The following CARMIL1 variants were observed in gnomAD, a reference collection of about 807,000 sequenced individuals.
CARMIL1 encodes capping protein regulator and myosin 1 linker 1.
In CARMIL1, 90 loss-of-function variants were observed where a neutral mutation model predicts 177.1. That is an observed-to-expected ratio of 0.51 (90% CI 0.43 to 0.61). The LOEUF (loss-of-function observed/expected upper bound fraction) is 0.61. CARMIL1 is among the 20% of genes least tolerant of loss of function. The probability of loss-of-function intolerance (pLI) is 0.00; values close to 1 mark genes in which losing one functional copy is unlikely to be tolerated. For missense variants in CARMIL1, 1,380 were observed against 1,667.0 expected (o/e 0.83, Z 3.00); for synonymous variants, 577 against 606.2 (o/e 0.95, Z 0.71).
intron 2 of CARMIL1, among the ~76,000 whole-genome samples, chr6:25,373,096 C>A (rs998160677): frequency 6.6e-6 from 1 of 152,126 alleles, no homozygotes; most frequent in Non-Finnish European, 1.5e-5. Flanking sequence ...CTGGATGAAA[C>A]CCACTTGATC....
At chr6:25,342,559 A>T (rs1257910725) in intron 2 of CARMIL1, among the ~76,000 whole-genome samples, 1 of 152,160 alleles carries the variant, frequency 6.6e-6, no homozygotes, top group Non-Finnish European at 1.5e-5. Context: ...CACTTAGCAT[A>T]TAGGAAGGGC....
chr6:25,499,281 C>A (rs960309317), intron 16 of CARMIL1, among the ~76,000 whole-genome samples: 12 of 152,226 alleles, frequency 7.9e-5, no homozygotes, highest in Non-Finnish European at 1.5e-4. Context: ...CTAGTACTTA[C>A]CACTGGCAGC....
At chr6:25,333,655 TG>T (rs1387713158) in intron 2 of CARMIL1, among the ~76,000 whole-genome samples, 1 of 152,038 alleles carries the variant, frequency 6.6e-6, no homozygotes, top group Non-Finnish European at 1.5e-5. Flanking sequence ...GGTTTTTTTT[TG>T]TTTTTAAATG....
At chr6:25,559,693 A>T (rs1451548657) in intron 29 of CARMIL1, among the ~76,000 whole-genome samples, 1 of 152,232 alleles carries the variant, frequency 6.6e-6, no homozygotes, top group African/African-American at 2.4e-5. Flanking sequence ...GAACTTTGAC[A>T]CATCACCAAC....
At chr6:25,493,504 G>A (rs1562212625) in intron 15 of CARMIL1, among the ~76,000 whole-genome samples, 1 of 152,166 alleles carries the variant, frequency 6.6e-6, no homozygotes, top group African/African-American at 2.4e-5. Flanking sequence ...GTGATTTTGT[G>A]ACATGTCCAT....
intron 29 of CARMIL1, among the ~76,000 whole-genome samples, chr6:25,559,060 G>C (rs897677468): frequency 2.0e-5 from 3 of 152,032 alleles, no homozygotes; most frequent in Admixed American, 1.3e-4. Flanking sequence ...TAATAATTTC[G>C]TGTATACTTT....
intron 4 of CARMIL1, among the ~76,000 whole-genome samples, chr6:25,435,137 T>G (rs1213022780): frequency 2.0e-5 from 3 of 152,224 alleles, no homozygotes; most frequent in Admixed American, 2.0e-4. Flanking sequence ...TCTATTTGAA[T>G]CTGCCAGCTT....
intron 4 of CARMIL1, 127 bp downstream of exon 4, chr6:25,426,687 C>G: frequency 1.4e-6 from 1 of 706,880 alleles, no homozygotes; most frequent in Admixed American, 2.8e-5. Context: ...ATGAGAGACT[C>G]AACACTGGCT....
chr6:25,507,598 G>A (rs1805037644), intron 17 of CARMIL1: 1 of 152,524 alleles, frequency 6.6e-6, no homozygotes, highest in Admixed American at 6.5e-5. Flanking sequence ...TAAGGAGTAT[G>A]TATAAACAAA....
At chr6:25,586,648 A>C (rs897494437) in intron 31 of CARMIL1, among the ~76,000 whole-genome samples, 5 of 152,100 alleles carry the variant, frequency 3.3e-5, no homozygotes, top group African/African-American at 4.8e-5. Flanking sequence ...ACGCCACTGC[A>C]CTCCAGCCTG....
At chr6:25,507,161 C>T (rs184691855) in intron 17 of CARMIL1, among the ~76,000 whole-genome samples, 3 of 152,286 alleles carry the variant, frequency 2.0e-5, no homozygotes, top group Admixed American at 6.5e-5. Context: ...CACATGCAGA[C>T]AGCCTCTAAT....
In CARMIL1 at chr6:25,466,022, A is replaced by C. The variant is rs1455763900; in HGVS notation, c.690+74A>C. The stretch of plus-strand genomic sequence containing the variant: ...AAAAACCCAATAATTGTGGGAAAAA[A>C]ACAATTTTTTTACTGTACTAGTAAG... On this transcript the variant is annotated intron_variant, in intron 9 of 36. Coordinates refer to ENST00000329474, the MANE Select transcript of CARMIL1 (RefSeq NM_017640.6). 8.9e-6 allele frequency: 10 copies of C among 1,119,752 alleles called. No homozygotes were observed. The African/African-American group carries it at 9.3e-5, about 10-fold the overall frequency. The allele number at this position is 1,119,752 out of a possible 1,614,324, so 69.4% of individuals were successfully genotyped here.
chr6:25,415,028 T>A (rs1795241917), intron 2 of CARMIL1, among the ~76,000 whole-genome samples: 2 of 152,208 alleles, frequency 1.3e-5, no homozygotes, highest in South Asian at 4.1e-4. Flanking sequence ...TTGTGAACCT[T>A]ATTATTGCTG....
chr6:25,448,620 T>A (rs1798466126), intron 5 of CARMIL1, among the ~76,000 whole-genome samples: 1 of 152,208 alleles, frequency 6.6e-6, no homozygotes, highest in African/African-American at 2.4e-5. Context: ...GCCCCTTCTT[T>A]GCCCTCGCTT....
intron 26 of CARMIL1, among the ~76,000 whole-genome samples, chr6:25,548,538 A>G (rs1015474734): frequency 6.6e-6 from 1 of 152,182 alleles, no homozygotes; most frequent in African/African-American, 2.4e-5. Flanking sequence ...CACTGGAATA[A>G]CAGTTTGAAG....
At chr6:25,448,572 C>T (rs973532594) in intron 5 of CARMIL1, among the ~76,000 whole-genome samples, 6 of 152,200 alleles carry the variant, frequency 3.9e-5, no homozygotes, top group African/African-American at 7.2e-5. Context: ...CAACTCCCTA[C>T]GTCCCACCTC....
intron 21 of CARMIL1, among the ~76,000 whole-genome samples, chr6:25,517,015 A>G (rs560912700): frequency 4.1e-4 from 62 of 152,370 alleles, no homozygotes; most frequent in African/African-American, 1.5e-3. Context: ...CATAAATATA[A>G]GAATATGATT....
In CARMIL1 at chr6:25,619,215, C is replaced by A. The variant is rs141961436; in HGVS notation, c.3980-232C>A. ...TGCCCACATCTATGAGAGGTTCACCCTGTCATAGACTGTTTTTGTGTGTGT... is the reference window on the plus strand; with the variant it reads ...TGCCCACATCTATGAGAGGTTCACCATGTCATAGACTGTTTTTGTGTGTGT... On this transcript the variant is annotated intron_variant, in intron 36 of 36. Transcript: ENST00000329474. 4.9e-3 allele frequency among the ~76,000 whole-genome samples: 753 copies of A among 152,304 alleles called. 4 individuals carry two copies. The highest frequency in any genetic ancestry group is 0.015 in the African/African-American group (643 of 41,562).
chr6:25,515,928 C>T lies in CARMIL1; in HGVS notation c.1805+81C>T. ...AGCAAGCATTGCAGAGCTGCTGGGC[C>T]CGAGGGGACCTGGGCTTCCCATGAG... On this transcript the variant is annotated intron_variant, in intron 21 of 36. Transcript: ENST00000329474. The surrounding 1 kb of genome is among the most constrained non-coding windows in gnomAD (Gnocchi z 5.0). 1 of 1,415,656 alleles carries T rather than the reference C, an allele frequency of 7.1e-7. No homozygotes were observed. The highest frequency in any genetic ancestry group is 9.5e-7 in the Non-Finnish European group (1 of 1,054,532). The allele number at this position is 1,415,656 out of a possible 1,614,324, so 87.7% of individuals were successfully genotyped here.
Sources: gnomAD v4.1 joint callset for allele counts (sites outside exome capture counted in the v4.1 genomes callset) on GRCh38, gnomAD v4.1.1 for gene constraint, Gnocchi (gnomAD v3.1) non-coding constraint, MANE v1.5 for transcripts, NCBI Gene and HGNC (gene_info 2026-07-23, HGNC 2026-07-21) for gene names.